ZNF529: variants seen among roughly 807,000 people sequenced by gnomAD.
ZNF529 encodes the protein zinc finger protein 529.
In ZNF529, 11 loss-of-function variants were observed where a neutral mutation model predicts 10.1. That is an observed-to-expected ratio of 1.09 (90% CI 0.69 to 1.81). ZNF529 has a LOEUF of 1.81. Among genes scored for constraint, ZNF529 ranks in the 40% most tolerant of loss-of-function variants. ZNF529 has a pLI of 0.00. For missense variants in ZNF529, 624 were observed against 666.8 expected, an observed-to-expected ratio of 0.94 and a Z score of 0.71; for synonymous variants, 204 against 215.7, an observed-to-expected ratio of 0.95 and a Z score of 0.47.
At chr19:36,601,114 A>G (rs2036916128) in intron 1 of ZNF529, among the ~76,000 whole-genome samples, 1 of 150,918 alleles carries the variant, frequency 6.6e-6, no homozygotes, top group Non-Finnish European at 1.5e-5. Flanking sequence ...TAACATCTCC[A>G]TATCAAACAC....
chr19:36,600,693 A>G (rs1420144999), intron 1 of ZNF529, among the ~76,000 whole-genome samples: 4 of 152,198 alleles, frequency 2.6e-5, no homozygotes, highest in African/African-American at 7.2e-5. Context: ...TGCCGAGGAA[A>G]AAATACGCAT....
At chr19:36,572,636 T>G (rs1171014066) in intron 1 of ZNF529, among the ~76,000 whole-genome samples, 1 of 152,170 alleles carries the variant, frequency 6.6e-6, no homozygotes, top group African/African-American at 2.4e-5. Context: ...TCCAAACTCA[T>G]GCAAGGGGAG....
chr19:36,583,258 T>C (rs2036510597), intron 2 of ZNF529, among the ~76,000 whole-genome samples: 1 of 152,136 alleles, frequency 6.6e-6, no homozygotes, highest in African/African-American at 2.4e-5. Context: ...GGTCTCACTT[T>C]GTTGTGCAGG....
rs554989804 is a variant in ZNF529 at position 36,567,768 on chromosome 19, A to T, written c.14+4565T>A. Among the ~76,000 whole-genome samples, 312 of 152,272 alleles carry T rather than the reference A, an allele frequency of 2.0e-3. 1 individual carries two copies. Among genetic ancestry groups the T allele is most frequent in the African/African-American group, 7.4e-3 (306 of 41,552 alleles). On this transcript the variant is annotated intron_variant, in intron 2 of 4. Transcript: ENST00000591340. ...ATATTTGGCAATGGATTCTTAAATG[A>T]TGACACCAAAAGGATAAGCAGCAAA...
upstream of ZNF529, among the ~76,000 whole-genome samples, chr19:36,573,757 G>A (rs566810370): frequency 2.6e-5 from 4 of 152,328 alleles, no homozygotes; most frequent in South Asian, 4.1e-4. Context: ...GCCGAAGAAG[G>A]AACTGGAGGG....
chr19:36,575,027 A>G (rs1212964150), upstream of ZNF529: 1 of 422,648 alleles, frequency 2.4e-6, no homozygotes, highest in South Asian at 1.7e-5. Context: ...GTTTGTATGG[A>G]ATTATAAGAT....
chr19:36,601,279 T>A (rs1338091640), intron 1 of ZNF529, among the ~76,000 whole-genome samples: 1 of 152,102 alleles, frequency 6.6e-6, no homozygotes, highest in Non-Finnish European at 1.5e-5. Flanking sequence ...AATTTTTTTT[T>A]ATTTTTAGTA....
chr19:36,547,066 T>C lies in ZNF529; in HGVS notation c.1492A>G (p.Arg498Gly), dbSNP rs768319359. 1 of 1,613,998 alleles carries C rather than the reference T, an allele frequency of 6.2e-7. No individual in the cohort carries two copies. The highest frequency in any genetic ancestry group is 1.1e-5 in the South Asian group (1 of 91,078). The change falls in exon 5 of 5, where the codon AGA becomes GGA. Residue 498 changes from arginine (R) to glycine (G), a missense_variant. Arg to Gly is a moderately radical substitution (Grantham distance 125, BLOSUM62 -2). Transcript: ENST00000591340. ...TAGGGTTTTTCTCCAGTATGAATTC[T>C]CTGATGTTCTGTAAGGGCTGAACTA... is the stretch of plus-strand genomic sequence containing the variant. ...RHSSALTEHQ[R>G]IHTGEKPYEC...
intron 3 of ZNF529, among the ~76,000 whole-genome samples, chr19:36,555,055 T>C (rs1334291077): frequency 1.3e-5 from 2 of 152,142 alleles, no homozygotes; most frequent in Admixed American, 1.3e-4. Flanking sequence ...TAATAACCAG[T>C]TTACAAATTA....
upstream of ZNF529, chr19:36,577,011 G>A (rs1176764505): frequency 2.3e-5 from 6 of 255,424 alleles, no homozygotes. Context: ...GGGGGGCAGT[G>A]GCACAATCTT....
intron 1 of ZNF529, among the ~76,000 whole-genome samples, chr19:36,591,298 A>G (rs2036706186): frequency 9.1e-6 from 1 of 110,114 alleles, no homozygotes; most frequent in Admixed American, 9.6e-5. Flanking sequence ...ACTCCGTCTC[A>G]AAAAAAAAAA....
chr19:36,598,407 G>A (rs540166342), intron 1 of ZNF529, among the ~76,000 whole-genome samples: 24 of 152,130 alleles, frequency 1.6e-4, no homozygotes, highest in African/African-American at 5.1e-4. Flanking sequence ...AGCTACTCAG[G>A]AGGCTGAGGT....
At chr19:36,559,753 A>G (rs543771841) in intron 2 of ZNF529, among the ~76,000 whole-genome samples, 6 of 152,356 alleles carry the variant, frequency 3.9e-5, no homozygotes, top group African/African-American at 1.4e-4. Context: ...GTATGTGTCA[A>G]TTATATATCA....
intron 2 of ZNF529, among the ~76,000 whole-genome samples, chr19:36,565,323 C>T (rs988510103): frequency 2.6e-5 from 4 of 152,036 alleles, no homozygotes; most frequent in African/African-American, 9.7e-5. Flanking sequence ...GGACCTCATT[C>T]GAAGACATGC....
chr19:36,562,693 C>T (rs1020241940), intron 2 of ZNF529, among the ~76,000 whole-genome samples: 5 of 151,930 alleles, frequency 3.3e-5, no homozygotes, highest in African/African-American at 1.2e-4. Flanking sequence ...AAAAAATAGC[C>T]GGGCGTGGTG....
At chr19:36,560,361 T>C (rs2035642152) in intron 2 of ZNF529, among the ~76,000 whole-genome samples, 1 of 151,998 alleles carries the variant, frequency 6.6e-6, no homozygotes, top group Non-Finnish European at 1.5e-5. Flanking sequence ...TATACAAATT[T>C]TATGAAACGT....
intron 2 of ZNF529, among the ~76,000 whole-genome samples, chr19:36,558,512 AG>A (rs2035564225): frequency 6.6e-6 from 1 of 152,166 alleles, no homozygotes; most frequent in Non-Finnish European, 1.5e-5. Context: ...GAAGGCCAGA[AG>A]GCAGTGGGAT....
chr19:36,560,698 A>T (rs1288052509), intron 2 of ZNF529, among the ~76,000 whole-genome samples: 2 of 152,208 alleles, frequency 1.3e-5, no homozygotes, highest in East Asian at 3.8e-4. Context: ...AGAGAAGATG[A>T]AAGGAAATAA....
chr19:36,546,773 G>T lies in ZNF529; in HGVS notation c.*93C>A. 7.5e-7 allele frequency: 1 copy of T among 1,332,564 alleles called. No homozygotes were observed. Among genetic ancestry groups the T allele is most frequent in the Non-Finnish European group, 1.0e-6 (1 of 975,246 alleles). The allele number at this position is 1,332,564 out of a possible 1,614,324, so 82.5% of individuals were successfully genotyped here. A position where few individuals can be genotyped will look rare whatever the true frequency, so the allele number is the denominator to read the frequency against. ...AAGTCTAAAAACAGACTTTAAGAGA[G>T]GGAGATACTGAATTGCCTTGATTAC... On this transcript the variant is annotated 3_prime_UTR_variant, in exon 5 of 5. Transcript: ENST00000591340.
Sources: allele counts gnomAD v4.1 joint callset (sites outside exome capture counted in the v4.1 genomes callset), GRCh38; gene constraint gnomAD v4.1.1; transcripts MANE v1.5; gene names NCBI Gene and HGNC (gene_info 2026-07-23, HGNC 2026-07-21).